Variants in PROCA1 observed in about 807,000 individuals in gnomAD.
PROCA1 encodes the protein protein PROCA1.
A neutral mutation model predicts 23.2 loss-of-function variants in PROCA1; 22 were observed. The observed-to-expected ratio is 0.95, with a 90% CI of 0.68 to 1.35. The LOEUF is 1.35. PROCA1 is among the 40% of genes most tolerant of loss of function. PROCA1 has a pLI of 0.00. For missense variants in PROCA1, 469 were observed against 459.8 expected, an observed-to-expected ratio of 1.02 and a Z score of -0.18; for synonymous variants, 182 against 179.2, an observed-to-expected ratio of 1.02 and a Z score of -0.12.
chr17:28,705,053 A>G (rs2032397928), intron 2 of PROCA1: 2 of 540,524 alleles, frequency 3.7e-6, no homozygotes, highest in East Asian at 3.2e-5. Flanking sequence ...GGAGACCCTT[A>G]TCAAGCCCCC....
rs3744637 is a variant in PROCA1, at chr17:28,703,695, C to T, written c.958G>A (p.Glu320Lys). 7.7e-4 allele frequency: 1,247 copies of T among 1,614,192 alleles called. 22 individuals carry two copies. The East Asian group carries it at 0.027, about 35-fold the overall frequency. Residue 320 changes from glutamate (E) to lysine (K), a missense_variant, in exon 5 of 5, where the codon GAG (glutamate) becomes AAG (lysine). Coordinates refer to ENST00000682792, the MANE Select transcript of PROCA1 (RefSeq NM_001366301.1). ...NGRGQGELSS[E>K]DIVESSSPRK... ...GGCGATGATGATTCCACAATATCCT[C>T]GCTGGACAGTTCTCCCTGCCCCCGG...
At position 28,711,627 on chromosome 17, in the gene PROCA1, A is replaced by G. The variant is rs768961503; in HGVS notation, c.34T>C (p.Trp12Arg). The change falls in exon 1 of 5, where the codon TGG becomes CGG. Residue 12 changes from tryptophan to arginine, a missense_variant. Coordinates refer to ENST00000682792, the MANE Select transcript of PROCA1 (RefSeq NM_001366301.1). Reference sequence around the variant, plus strand: ...TTGGGCTCGGTCTTTTCCTTAGTCCATCTTTCAATTGTGAGCGTCGTCCTG... The same window carrying G: ...TTGGGCTCGGTCTTTTCCTTAGTCCGTCTTTCAATTGTGAGCGTCGTCCTG... ...WVRTTLTIER[W>R]TKEKTEPKAR... is the part of the protein sequence containing the mutation. 2.5e-6 allele frequency: 4 copies of G among 1,611,924 alleles called. No individual in the cohort carries two copies. The South Asian group carries it at 3.3e-5, about 13-fold the overall frequency.
In PROCA1 at chr17:28,706,777, G is replaced by A. The variant is rs967358112; in HGVS notation, c.92-14C>T. 6 of 1,303,228 alleles carry A rather than the reference G, an allele frequency of 4.6e-6. No individual in the cohort carries two copies. In the African/African-American group the frequency reaches 9.1e-5, roughly 20 times the overall value. The allele number at this position is 1,303,228 out of a possible 1,614,324, so 80.7% of individuals were successfully genotyped here. On this transcript the variant is annotated splice_polypyrimidine_tract_variant and intron_variant, in intron 1 of 4. Coordinates refer to ENST00000682792, the MANE Select transcript of PROCA1 (RefSeq NM_001366301.1). ...ACCTGTTTACATCTGAGAGAGCATAGAGTGGCAGTGGTGGCAGCAGCCCCC... is the reference window on the plus strand; with the variant it reads ...ACCTGTTTACATCTGAGAGAGCATAAAGTGGCAGTGGTGGCAGCAGCCCCC...
intron 4 of PROCA1, 39 bp from the exon 5 acceptor site, chr17:28,704,251 G>A: frequency 6.4e-7 from 1 of 1,571,094 alleles, no homozygotes; most frequent in Non-Finnish European, 8.6e-7. Context: ...GACAGAGAGT[G>A]GGGGGCAGTG....
At chr17:28,710,960 C>A in intron 1 of PROCA1, 2 of 781,956 alleles carry the variant, frequency 2.6e-6, no homozygotes, top group East Asian at 2.5e-4. Context: ...GGCACCAGAG[C>A]AGCCGAAAGG....
rs765027686 is a variant in PROCA1, at chr17:28,704,393, C to T, written c.354G>A (p.Ala118=). ...CGATGACATGGGAGCAGGTTGGGCC[C>T]GCGCCCCGGGAGCTGCTGCTATCCT... ...SSEDSSSSRG[A]GPTCSHVIES... The change falls in exon 4 of 5, where the codon GCG becomes GCA. Residue 118 remains alanine (A), a synonymous_variant. Coordinates refer to ENST00000682792, the MANE Select transcript of PROCA1 (RefSeq NM_001366301.1). 3.7e-6 allele frequency: 6 copies of T among 1,613,980 alleles called. No homozygotes were observed. The highest frequency in any genetic ancestry group is 1.7e-4 in the Middle Eastern group (1 of 5,956).
intron 1 of PROCA1, chr17:28,707,464 G>GA (rs2032566792): frequency 6.6e-6 from 1 of 152,226 alleles, no homozygotes; most frequent in African/African-American, 2.4e-5. Flanking sequence ...ATGAACAAAA[G>GA]AATGAATGAA....
intron 1 of PROCA1, among the ~76,000 whole-genome samples, chr17:28,710,575 C>T (rs1168605576): frequency 6.6e-6 from 1 of 151,502 alleles, no homozygotes; most frequent in African/African-American, 2.4e-5. Flanking sequence ...CTCACTAGCT[C>T]CCCCAGAGCT....
intron 2 of PROCA1, 175 bp from the exon 3 acceptor site, chr17:28,705,018 TG>T: frequency 1.6e-6 from 1 of 613,750 alleles, no homozygotes; most frequent in South Asian, 2.0e-5. Context: ...CCCAGCAAAG[TG>T]TCTGGTTCCA....
intron 1 of PROCA1, chr17:28,707,904 A>G (rs914032109): frequency 6.6e-6 from 1 of 151,604 alleles, no homozygotes; most frequent in Admixed American, 6.6e-5. Flanking sequence ...GCAGCCATCC[A>G]CCCCCCAATC....
rs763747751 is a variant in PROCA1, at chr17:28,704,109, C to G, written c.544G>C (p.Glu182Gln). ...LNEEEEEEEEESKPPIPTQVG... is the reference protein window; with the variant it reads ...LNEEEEEEEEQSKPPIPTQVG... The stretch of plus-strand genomic sequence containing the variant: ...TGTGTCGGGATGGGGGGCTTGCTTT[C>G]CTCCTCCTCCTCTTCCTCTTCTTCA... The change falls in exon 5 of 5, where the codon GAA (glutamate) becomes CAA (glutamine). Residue 182 changes from glutamate (E) to glutamine (Q), a missense_variant. Glu to Gln is a conservative substitution (Grantham distance 29). Coordinates refer to ENST00000682792, the MANE Select transcript of PROCA1 (RefSeq NM_001366301.1). 5 of 1,574,892 alleles carry G rather than the reference C, an allele frequency of 3.2e-6. No individual in the cohort carries two copies. Among genetic ancestry groups the G allele is most frequent in the Non-Finnish European group, 4.3e-6 (5 of 1,166,054 alleles).
intron 2 of PROCA1, 166 bp from the exon 3 acceptor site, chr17:28,705,009 C>T (rs1049953633): frequency 3.2e-6 from 2 of 628,954 alleles, no homozygotes; most frequent in African/African-American, 3.7e-5. Flanking sequence ...ACCCCATGTC[C>T]CAGCAAAGTG....
At position 28,703,882 on chromosome 17, in the gene PROCA1, TTTC is replaced by T; in HGVS notation, c.768_770del (p.Lys258del). On this transcript the variant is annotated inframe_deletion, in exon 5 of 5. Transcript: ENST00000682792. ...TAGTCAACTGGCCTTTCTTGGCTTTTTTCTTCAGCTTTGCCTTCTCATCCATCT... is the reference window on the plus strand; with the variant it reads ...TAGTCAACTGGCCTTTCTTGGCTTTTTTCAGCTTTGCCTTCTCATCCATCT... 1 of 1,614,158 alleles carries T rather than the reference TTTC, an allele frequency of 6.2e-7. No homozygotes were observed. The highest frequency in any genetic ancestry group is 8.5e-7 in the Non-Finnish European group (1 of 1,180,034).
intron 2 of PROCA1, 198 bp downstream of exon 2, chr17:28,706,482 C>G (rs775409218): frequency 9.5e-6 from 3 of 314,234 alleles, no homozygotes. Flanking sequence ...CCATAAAGTT[C>G]TATATAAACG....
Position 28,703,401 on chromosome 17 carries a change from C to G in PROCA1, c.*157G>C. On this transcript the variant is annotated 3_prime_UTR_variant, in exon 5 of 5. Coordinates refer to ENST00000682792, the MANE Select transcript of PROCA1 (RefSeq NM_001366301.1). ...TCCCTCCCACCTGCCTTCCCATGGG[C>G]TTCCTTTGTGAAAGCTGGATTGCCT... 1.3e-6 allele frequency: 1 copy of G among 741,020 alleles called. No individual in the cohort carries two copies. The highest frequency in any genetic ancestry group is 1.8e-5 in the African/African-American group (1 of 57,132). 45.9% of individuals were successfully genotyped at this position (741,020 alleles called of 1,614,324 possible).
intron 1 of PROCA1, 83 bp downstream of exon 1, chr17:28,711,487 G>T (rs2032782375): frequency 1.7e-6 from 2 of 1,207,338 alleles, no homozygotes; most frequent in Admixed American, 2.4e-5. Flanking sequence ...TCCCTCGTCG[G>T]TTTGCCGGCT....
At chr17:28,709,761 C>T (rs941633864) in intron 1 of PROCA1, among the ~76,000 whole-genome samples, 2 of 151,842 alleles carry the variant, frequency 1.3e-5, no homozygotes, top group Admixed American at 1.3e-4. Flanking sequence ...TTTTGAGAGG[C>T]CGAGGTGGGC....
At chr17:28,708,742 A>C (rs984194481) in intron 1 of PROCA1, among the ~76,000 whole-genome samples, 1 of 151,948 alleles carries the variant, frequency 6.6e-6, no homozygotes, top group Non-Finnish European at 1.5e-5. Context: ...AAAAAAAAAA[A>C]AAAACGACAT....
intron 1 of PROCA1, chr17:28,707,538 C>T (rs1305291666): frequency 6.6e-6 from 1 of 152,202 alleles, no homozygotes; most frequent in South Asian, 2.1e-4. Context: ...AATTTCACCG[C>T]CATTATCTGT....
Sources: allele counts gnomAD v4.1 joint callset (sites outside exome capture counted in the v4.1 genomes callset), GRCh38; gene constraint gnomAD v4.1.1; transcripts MANE v1.5; gene names NCBI Gene and HGNC (gene_info 2026-07-23, HGNC 2026-07-21).